The following UGT1A9 variants were observed in gnomAD, a reference collection of about 807,000 sequenced individuals.
UGT1A9 encodes the protein UDP glucuronosyltransferase family 1 member A9, also known as UDP-glucuronosyltransferase 1A9.
UGT1A9 carries 35 observed loss-of-function variants against 45.0 expected under a neutral mutation model. The ratio of observed to expected loss-of-function variants is 0.78; its 90% CI spans 0.59 to 1.03. The LOEUF (loss-of-function observed/expected upper bound fraction) is 1.03, where lower values mean the gene tolerates loss of function less well. Among genes scored for constraint, UGT1A9 ranks in the 50% least tolerant of loss-of-function variants. The probability of loss-of-function intolerance (pLI) is 0.00; values close to 1 mark genes in which losing one functional copy is unlikely to be tolerated. For synonymous variants in UGT1A9, 278 were observed against 250.6 expected, an observed-to-expected ratio of 1.11 and a Z score of -1.03; for missense variants, 687 against 666.6, an observed-to-expected ratio of 1.03 and a Z score of -0.34.
At chr2:233,766,403 C>G (rs889722071) in intron 1 of UGT1A9, among the ~76,000 whole-genome samples, 2 of 152,178 alleles carry the variant, frequency 1.3e-5, no homozygotes, top group Non-Finnish European at 2.9e-5. Context: ...TGCGTCCCTC[C>G]GCTGATGTGC....
chr2:233,755,241 A>G (rs535521102), intron 1 of UGT1A9: 33 of 865,204 alleles, frequency 3.8e-5, no homozygotes, highest in Non-Finnish European at 5.6e-5. Context: ...CTACCGGGGT[A>G]CTCCCAGCAC....
At chr2:233,729,021 C>G in intron 1 of UGT1A9, 4 of 1,593,202 alleles carry the variant, frequency 2.5e-6, no homozygotes, top group Non-Finnish European at 3.4e-6. Context: ...TCCAATTACA[C>G]GTTGATTTGC....
chr2:233,743,851 C>T (rs375874968), intron 1 of UGT1A9: 40 of 1,367,126 alleles, frequency 2.9e-5, no homozygotes, highest in African/African-American at 2.2e-4. Flanking sequence ...GCTTGCGGTA[C>T]GCCTTCTTGA....
chr2:233,713,198 C>G lies in UGT1A9; in HGVS notation c.855+40409C>G, dbSNP rs540897333. ...TCACCCTGGAGGTGAATATGTACAT[C>G]AAAGAAGAGAACTTTTTCACCCTGA... On this transcript the variant is annotated intron_variant, in intron 1 of 4. Transcript: ENST00000354728. 1.4e-5 allele frequency: 23 copies of G among 1,614,218 alleles called. 1 individual carries two copies. The highest frequency in any genetic ancestry group is 1.2e-4 in the African/African-American group (9 of 75,058).
In UGT1A9 at chr2:233,768,295, C is replaced by G; in HGVS notation, c.1151C>G (p.Pro384Arg). The part of the protein sequence containing the change: ...GVYESICNGV[P>R]MVMMPLFGDQ... ...TATGAAAGCATATGCAATGGCGTTC[C>G]CATGGTGATGATGCCCTTGTTTGGT... The change falls in exon 4 of 5, where the codon CCC (proline) becomes CGC (arginine). Residue 384 changes from proline (P) to arginine (R), a missense_variant. Physicochemically the swap from Pro to Arg is moderately radical, Grantham distance 103 (BLOSUM62 -2). Transcript: ENST00000354728. 6.2e-7 allele frequency: 1 copy of G among 1,614,158 alleles called. No individual in the cohort carries two copies. Among genetic ancestry groups the G allele is most frequent in the Admixed American group, 1.7e-5 (1 of 60,024 alleles).
At chr2:233,753,960 G>C (rs563043918) in intron 1 of UGT1A9, among the ~76,000 whole-genome samples, 1 of 152,300 alleles carries the variant, frequency 6.6e-6, no homozygotes, top group East Asian at 1.9e-4. Flanking sequence ...AAAATATTAA[G>C]AGAATAACGT....
At chr2:233,709,458 T>A (rs1048342871) in intron 1 of UGT1A9, among the ~76,000 whole-genome samples, 2 of 152,212 alleles carry the variant, frequency 1.3e-5, no homozygotes, top group African/African-American at 4.8e-5. Flanking sequence ...TTTAAAGCAA[T>A]CATTTTGGGG....
chr2:233,708,027 G>A (rs749696911), intron 1 of UGT1A9, among the ~76,000 whole-genome samples: 9 of 151,878 alleles, frequency 5.9e-5, no homozygotes, highest in South Asian at 4.2e-4. Flanking sequence ...TAGTTCTTTG[G>A]CAGTTATAGA....
chr2:233,768,031 A>G (rs1699551852), intron 3 of UGT1A9, 95 bp downstream of exon 3: 2 of 1,612,748 alleles, frequency 1.2e-6, no homozygotes, highest in Non-Finnish European at 8.5e-7. Context: ...GAGCTTGAAA[A>G]TATTATGGCC....
chr2:233,683,403 G>A (rs1575431049), intron 1 of UGT1A9, among the ~76,000 whole-genome samples: 1 of 152,064 alleles, frequency 6.6e-6, no homozygotes, highest in East Asian at 1.9e-4. Flanking sequence ...AGATTTAAGT[G>A]TTTTCCACTT....
chr2:233,757,560 A>ATATATATATATATATATATATATATGTG (rs904896556), intron 1 of UGT1A9, among the ~76,000 whole-genome samples: 2 of 123,156 alleles, frequency 1.6e-5, no homozygotes, highest in African/African-American at 6.8e-5. Context: ...ATATATATAT[A>ATATATATATATATATATATATATATGTG]TGTATATATG....
chr2:233,676,432 C>T (rs1004172239), intron 1 of UGT1A9, among the ~76,000 whole-genome samples: 14 of 152,216 alleles, frequency 9.2e-5, no homozygotes, highest in Admixed American at 6.5e-5. Context: ...ATTGTTAAAT[C>T]TCATGTTTCT....
At chr2:233,690,490 TC>T in intron 1 of UGT1A9, 2 of 1,289,746 alleles carry the variant, frequency 1.6e-6, no homozygotes, top group Non-Finnish European at 2.0e-6. Context: ...GGAAATCTGC[TC>T]TTGCCAACAG....
intron 1 of UGT1A9, chr2:233,713,152 G>A (rs1219842752): frequency 6.2e-7 from 1 of 1,614,236 alleles, no homozygotes; most frequent in Non-Finnish European, 8.5e-7. Flanking sequence ...CTCCATGCGA[G>A]AGGCCACCAG....
Position 233,737,223 on chromosome 2 carries a change from T to G in UGT1A9, c.856-29811T>G, listed in dbSNP as rs929456568. ...GCGGTGGACTCTGTTCAGTTCCAGC[T>G]TCCTGGATGCTTTGTTTACCTACTC... On this transcript the variant is annotated intron_variant, in intron 1 of 4. Transcript: ENST00000354728. Among the ~76,000 whole-genome samples, 4 of 152,236 alleles carry G rather than the reference T, an allele frequency of 2.6e-5. No homozygotes were observed. In the East Asian group the frequency reaches 7.7e-4, roughly 29 times the overall value.
intron 1 of UGT1A9, among the ~76,000 whole-genome samples, chr2:233,675,336 T>TCAG (rs1275854115): frequency 6.6e-6 from 1 of 152,182 alleles, no homozygotes; most frequent in East Asian, 1.9e-4. Flanking sequence ...TGTAAATAAT[T>TCAG]CAGCAGAACA....
intron 1 of UGT1A9, chr2:233,691,972 G>C (rs1349071943): frequency 6.6e-6 from 1 of 152,224 alleles, no homozygotes; most frequent in East Asian, 1.9e-4. Context: ...GATCCCTTTC[G>C]ATCACACCTA....
intron 1 of UGT1A9, among the ~76,000 whole-genome samples, chr2:233,731,764 G>C (rs533999102): frequency 6.6e-6 from 1 of 152,196 alleles, no homozygotes; most frequent in East Asian, 1.9e-4. Context: ...TGTGTCCTTA[G>C]AGTAGTATCA....
At position 233,744,330 on chromosome 2, in the gene UGT1A9, T is replaced by A. The variant is rs1692777222; in HGVS notation, c.856-22704T>A. Among the ~76,000 whole-genome samples the A allele has an allele frequency of 1.3e-5, 2 of 151,878 alleles. 1 individual carries two copies. The highest frequency in any genetic ancestry group is 4.9e-5 in the African/African-American group (2 of 41,124). On this transcript the variant is annotated intron_variant, in intron 1 of 4. Coordinates refer to ENST00000354728, the MANE Select transcript of UGT1A9 (RefSeq NM_021027.3). Reference sequence around the variant, plus strand: ...GGGAAGAGGGTGGTGGGAGTGAGTTTAGTCTGACTGGGGCTGAAGACATCC... The same window carrying A: ...GGGAAGAGGGTGGTGGGAGTGAGTTAAGTCTGACTGGGGCTGAAGACATCC...
Sources: gnomAD v4.1 joint callset for allele counts (sites outside exome capture counted in the v4.1 genomes callset) on GRCh38, gnomAD v4.1.1 for gene constraint, MANE v1.5 for transcripts, NCBI Gene and HGNC (gene_info 2026-07-23, HGNC 2026-07-21) for gene names.